The following ZNF628 variants were observed in gnomAD, a reference collection of about 807,000 sequenced individuals.
ZNF628 encodes the protein zinc finger protein Zec.
ZNF628 carries 3 observed loss-of-function variants against 2.5 expected under a neutral mutation model. The observed-to-expected ratio is 1.19, with a 90% confidence interval of 0.54 to 3.07. The LOEUF (loss-of-function observed/expected upper bound fraction) is 3.07. ZNF628 is among the 30% of genes most tolerant of loss of function. The probability of loss-of-function intolerance (pLI) is 0.03; values close to 1 mark genes in which losing one functional copy is unlikely to be tolerated. For missense variants in ZNF628, 1,610 were observed against 1,517.1 expected, an observed-to-expected ratio of 1.06 and a Z score of -1.02; for synonymous variants, 861 against 717.1, an observed-to-expected ratio of 1.20 and a Z score of -3.21.
chr19:55,480,718 G>GC (rs1252068406), intron 2 of ZNF628, among the ~76,000 whole-genome samples: 1 of 152,234 alleles, frequency 6.6e-6, no homozygotes, highest in Admixed American at 6.5e-5. Flanking sequence ...ACAGTGCCTG[G>GC]CCCCATGAGG....
rs1204796878 is a variant in ZNF628 at position 55,481,971 on chromosome 19, C to T, written c.778C>T (p.Leu260Phe). ...GTGCGACGCCTACCTGCAGCGGCAC[C>T]TCCAGCCCCACAGCCCGCCCGCGCC... The part of the protein sequence containing the change: ...FVCDAYLQRH[L>F]QPHSPPAPPA... Residue 260 changes from leucine to phenylalanine, a missense_variant, in exon 3 of 3, where the codon CTC becomes TTC. Leu to Phe is a conservative substitution (Grantham distance 22, BLOSUM62 0). This residue lies in a region of ZNF628 where 651 missense variants were observed against 575.6 expected (regional missense o/e 1.13). Transcript: ENST00000598519. 4.1e-6 allele frequency: 6 copies of T among 1,464,724 alleles called. No homozygotes were observed. Among genetic ancestry groups the T allele is most frequent in the Admixed American group, 2.4e-5 (1 of 41,542 alleles). The allele number at this position is 1,464,724 out of a possible 1,614,324, so 90.7% of individuals were successfully genotyped here. A position where few individuals can be genotyped will look rare whatever the true frequency, so the allele number is the denominator to read the frequency against.
At chr19:55,478,534 C>T (rs931278167) in intron 1 of ZNF628, among the ~76,000 whole-genome samples, 10 of 152,176 alleles carry the variant, frequency 6.6e-5, no homozygotes, top group African/African-American at 2.4e-4. Context: ...TGCAGGAAGT[C>T]GGCAGGCTCG....
intron 2 of ZNF628, among the ~76,000 whole-genome samples, chr19:55,480,972 A>G (rs1452653208): frequency 1.3e-5 from 2 of 152,278 alleles, no homozygotes; most frequent in Admixed American, 6.5e-5. Context: ...GAGGGTGGCC[A>G]CAGTTTGCTG....
At chr19:55,477,631 G>T (rs1986590005) in intron 1 of ZNF628, among the ~76,000 whole-genome samples, 1 of 151,906 alleles carries the variant, frequency 6.6e-6, no homozygotes, top group South Asian at 2.1e-4. Context: ...GCGCGGTGGC[G>T]TGCACCTGTA....
chr19:55,479,937 A>G lies in ZNF628; in HGVS notation c.7+20A>G. 2.5e-6 allele frequency: 1 copy of G among 399,492 alleles called. No individual in the cohort carries two copies. The highest frequency in any genetic ancestry group is 4.4e-6 in the Non-Finnish European group (1 of 226,322). 24.7% of individuals were successfully genotyped at this position (399,492 alleles called of 1,614,324 possible). ...TGTCAGGTAGTCACCTGGGGAGTGC[A>G]TGGGCCAGAGACATGTAGTGTGAGC... On this transcript the variant is annotated intron_variant, in intron 2 of 2. Coordinates refer to ENST00000598519, the MANE Select transcript of ZNF628 (RefSeq NM_033113.3). This position sits in a 1 kb window ranked among gnomAD's most constrained non-coding sequence, Gnocchi z 5.1.
intron 1 of ZNF628, among the ~76,000 whole-genome samples, chr19:55,478,240 T>G (rs1986609945): frequency 1.3e-5 from 2 of 151,748 alleles, no homozygotes; most frequent in African/African-American, 4.8e-5. Flanking sequence ...CATTAGAAGG[T>G]GATAATTGCT....
At position 55,483,942 on chromosome 19, in the gene ZNF628, G is replaced by A; in HGVS notation, c.2749G>A (p.Gly917Ser). The A allele has an allele frequency of 6.4e-7, 1 of 1,573,516 alleles. No homozygotes were observed. Among genetic ancestry groups the A allele is most frequent in the Non-Finnish European group, 8.6e-7 (1 of 1,158,688 alleles). ...GEAGDGEAST[G>S]VVQDVLFETL... is the part of the protein sequence containing the mutation. ...GGCGGGGGATGGCGAGGCCAGCACT[G>A]GTGTGGTCCAGGATGTCCTCTTTGA... Residue 917 changes from glycine to serine, a missense_variant, in exon 3 of 3, where the codon GGT becomes AGT. Physicochemically the swap from Gly to Ser is moderately conservative, Grantham distance 56. Around this residue, in one of 5 missense-constraint regions of ZNF628, gnomAD observed 712 missense variants for 603.6 expected, o/e 1.18. Transcript: ENST00000598519.
In ZNF628 at chr19:55,482,288, C is replaced by A. The variant is rs1301512802; in HGVS notation, c.1095C>A (p.Phe365Leu). 8 of 1,472,458 alleles carry A rather than the reference C, an allele frequency of 5.4e-6. No homozygotes were observed. In the African/African-American group the frequency reaches 7.4e-5, roughly 14 times the overall value. The allele number at this position is 1,472,458 out of a possible 1,614,324, so 91.2% of individuals were successfully genotyped here. ...CCTGTCTGCCCTGCGGCAAGTCCTT[C>A]CGGACGGTGGCTGGGCTCTCCCGCC... Reference protein sequence around the residue: ...GFACLPCGKSFRTVAGLSRHQ... With the variant: ...GFACLPCGKSLRTVAGLSRHQ... The change falls in exon 3 of 3, where the codon TTC becomes TTA. Residue 365 changes from phenylalanine (F) to leucine (L), a missense_variant. This residue lies in a region of ZNF628 where 651 missense variants were observed against 575.6 expected (regional missense o/e 1.13). Coordinates refer to ENST00000598519, the MANE Select transcript of ZNF628 (RefSeq NM_033113.3).
rs1244269009 is a variant in ZNF628 at position 55,482,686 on chromosome 19, C to T, written c.1493C>T (p.Ala498Val). 1 of 1,611,690 alleles carries T rather than the reference C, an allele frequency of 6.2e-7. No individual in the cohort carries two copies. The highest frequency in any genetic ancestry group is 8.5e-7 in the Non-Finnish European group (1 of 1,179,196). The part of the protein sequence containing the change: ...GKAFKRSSLL[A>V]IHQRVHTGLR... ...GCCTTCAAGCGCTCCTCCCTGCTGG[C>T]CATCCACCAGCGGGTGCACACGGGC... Residue 498 changes from alanine to valine, a missense_variant, in exon 3 of 3, where the codon GCC (alanine) becomes GTC (valine). This residue lies in a region of ZNF628 where 651 missense variants were observed against 575.6 expected (regional missense o/e 1.13). Coordinates refer to ENST00000598519, the MANE Select transcript of ZNF628 (RefSeq NM_033113.3).
chr19:55,477,762 C>CAA (rs34279078), intron 1 of ZNF628, among the ~76,000 whole-genome samples: 1,852 of 149,392 alleles, frequency 0.012, 14 homozygotes, highest in Non-Finnish European at 0.019. Context: ...ACCCTGTCTC[C>CAA]AAAAAAAAAC....
rs1467955381 is a variant in ZNF628, at chr19:55,482,791, C to A, written c.1598C>A (p.Ser533Tyr). The change falls in exon 3 of 3, where the codon TCT becomes TAT. Residue 533 changes from serine to tyrosine, a missense_variant. Ser to Tyr is a moderately radical substitution (Grantham distance 144). Coordinates refer to ENST00000598519, the MANE Select transcript of ZNF628 (RefSeq NM_033113.3). ...SHYQYHLRLH[S>Y]GERPYACGEC... ...TACCAGTACCACCTGCGGCTGCACT[C>A]TGGCGAGCGGCCCTACGCCTGCGGG... The A allele has an allele frequency of 6.2e-7, 1 of 1,610,756 alleles. No individual in the cohort carries two copies. Among genetic ancestry groups the A allele is most frequent in the African/African-American group, 1.3e-5 (1 of 74,998 alleles).
chr19:55,478,025 C>T (rs117972647), intron 1 of ZNF628, among the ~76,000 whole-genome samples: 3,286 of 152,232 alleles, frequency 0.022, 57 homozygotes, highest in Middle Eastern at 0.065. Context: ...TCCCCAGGGG[C>T]GACACTGCGG....
chr19:55,482,166 C>T lies in ZNF628; in HGVS notation c.973C>T (p.Pro325Ser). Residue 325 changes from proline (P) to serine (S), a missense_variant, in exon 3 of 3, where the codon CCC (proline) becomes TCC (serine). Physicochemically the swap from Pro to Ser is moderately conservative, Grantham distance 74 (BLOSUM62 -1). Transcript: ENST00000598519. ...CCCCGGGCCCGATGCGGCGCCCCAGCCCCAGGAGGCACCCGCCGAGGCGCC... is the reference window on the plus strand; with the variant it reads ...CCCCGGGCCCGATGCGGCGCCCCAGTCCCAGGAGGCACCCGCCGAGGCGCC... ...PCPGPDAAPQ[P>S]QEAPAEAPKA... The T allele has an allele frequency of 6.7e-7, 1 of 1,497,144 alleles. No homozygotes were observed. The highest frequency in any genetic ancestry group is 8.9e-7 in the Non-Finnish European group (1 of 1,127,772). 92.7% of individuals were successfully genotyped at this position (1,497,144 alleles called of 1,614,324 possible). A position where few individuals can be genotyped will look rare whatever the true frequency, so the allele number is the denominator to read the frequency against.
rs1366997328 is a variant in ZNF628 at position 55,482,222 on chromosome 19, G to A, written c.1029G>A (p.Pro343=). 2.7e-6 allele frequency: 4 copies of A among 1,462,264 alleles called. No homozygotes were observed. The highest frequency in any genetic ancestry group is 1.3e-5 in the South Asian group (1 of 76,880). 90.6% of individuals were successfully genotyped at this position (1,462,264 alleles called of 1,614,324 possible). The change falls in exon 3 of 3, where the codon CCG becomes CCA. Residue 343 remains proline, a synonymous_variant. Coordinates refer to ENST00000598519, the MANE Select transcript of ZNF628 (RefSeq NM_033113.3). ...CCGACCAGCCACCGTCCCCTCTGCC[G>A]CAGCCCCCTCCTCCCGCCGCCGCCC... is the stretch of plus-strand genomic sequence containing the variant. ...PKADQPPSPL[P]QPPPPAAAPA...
At position 55,482,557 on chromosome 19, in the gene ZNF628, A is replaced by G; in HGVS notation, c.1364A>G (p.Lys455Arg). The G allele has an allele frequency of 1.3e-6, 2 of 1,588,410 alleles. No homozygotes were observed. Among genetic ancestry groups the G allele is most frequent in the Non-Finnish European group, 1.7e-6 (2 of 1,172,758 alleles). The change falls in exon 3 of 3, where the codon AAA becomes AGA. Residue 455 changes from lysine (K) to arginine (R), a missense_variant. Lys to Arg is a conservative substitution (Grantham distance 26). Coordinates refer to ENST00000598519, the MANE Select transcript of ZNF628 (RefSeq NM_033113.3). ...SAPASAERPYKCAECGKSFKG... is the reference protein window; with the variant it reads ...SAPASAERPYRCAECGKSFKG... ...CCCGCTTCTGCGGAGCGGCCCTACA[A>G]ATGTGCCGAGTGCGGCAAGTCCTTC...
rs1163451285 is a variant in ZNF628 at position 55,484,125 on chromosome 19, C to A, written c.2932C>A (p.Arg978Ser). 2 of 1,588,338 alleles carry A rather than the reference C, an allele frequency of 1.3e-6. No individual in the cohort carries two copies. The highest frequency in any genetic ancestry group is 2.7e-5 in the African/African-American group (2 of 74,042). ...ACCCGGACAGAAACTCCTCATCATC[C>A]GCAGCGCCCCAGCCACTGAGCTGCT... ...GPPGQKLLII[R>S]SAPATELLDS... The change falls in exon 3 of 3, where the codon CGC becomes AGC. Residue 978 changes from arginine to serine, a missense_variant. Transcript: ENST00000598519.
At chr19:55,481,137 G>A in intron 2 of ZNF628, 64 bp from the exon 3 acceptor site, 1 of 1,450,334 alleles carries the variant, frequency 6.9e-7, no homozygotes, top group Non-Finnish European at 9.0e-7. Context: ...GAGCCCGTGT[G>A]TGGGTTTGGG....
Position 55,484,351 on chromosome 19 carries a change from T to C in ZNF628, c.3158T>C (p.Val1053Ala). 1 of 1,457,674 alleles carries C rather than the reference T, an allele frequency of 6.9e-7. No homozygotes were observed. Among genetic ancestry groups the C allele is most frequent in the South Asian group, 1.4e-5 (1 of 70,236 alleles). The allele number at this position is 1,457,674 out of a possible 1,614,324, so 90.3% of individuals were successfully genotyped here. The change falls in exon 3 of 3, where the codon GTC (valine) becomes GCC (alanine). Residue 1053 changes from valine (V) to alanine (A), a missense_variant. Val to Ala is a moderately conservative substitution (Grantham distance 64). Coordinates refer to ENST00000598519, the MANE Select transcript of ZNF628 (RefSeq NM_033113.3). ...CAGATTGTCCAGACTCTACCCGCAG[T>C]CCAGCTGGTGCACACGTTTTGAGGA... is the stretch of plus-strand genomic sequence containing the variant. ...SIQIVQTLPA[V>A]QLVHTF
rs766964946 is a variant in ZNF628, at chr19:55,481,667, G to T, written c.474G>T (p.Lys158Asn). Residue 158 changes from lysine to asparagine, a missense_variant, in exon 3 of 3, where the codon AAG becomes AAT. Physicochemically the swap from Lys to Asn is moderately conservative, Grantham distance 94. Coordinates refer to ENST00000598519, the MANE Select transcript of ZNF628 (RefSeq NM_033113.3). ...GCCCGGACTGCCCCAAGGCCTTCAA[G>T]AACTCGTCCAGCCTGCGGCGCCACC... ...YPCPDCPKAF[K>N]NSSSLRRHRH... 3.7e-6 allele frequency: 6 copies of T among 1,612,816 alleles called. No individual in the cohort carries two copies. In the South Asian group the frequency reaches 4.4e-5, roughly 12 times the overall value.
Sources: allele counts gnomAD v4.1 joint callset (sites outside exome capture counted in the v4.1 genomes callset), GRCh38; gene constraint gnomAD v4.1.1; regional missense constraint gnomAD v4.1.1; non-coding constraint Gnocchi (gnomAD v3.1); transcripts MANE v1.5; gene names NCBI Gene and HGNC (gene_info 2026-07-23, HGNC 2026-07-21).